Variants in ANKRD30B observed in about 807,000 individuals in gnomAD.
ANKRD30B encodes the protein ankyrin repeat domain 30B, also known as ankyrin repeat domain-containing protein 30B.
A neutral mutation model predicts 202.2 loss-of-function variants in ANKRD30B; 144 were observed. The observed-to-expected ratio is 0.71, with a 90% CI of 0.62 to 0.82. The LOEUF (loss-of-function observed/expected upper bound fraction) is 0.82, where lower values mean the gene tolerates loss of function less well. ANKRD30B is among the 40% of genes least tolerant of loss of function. The pLI is 0.00. For synonymous variants in ANKRD30B, 508 were observed against 561.3 expected, an observed-to-expected ratio of 0.91 and a Z score of 1.34; for missense variants, 1,487 against 1,669.1, an observed-to-expected ratio of 0.89 and a Z score of 1.90.
At chr18:14,818,997 A>C (rs1412971716) in intron 30 of ANKRD30B, among the ~76,000 whole-genome samples, 1 of 152,060 alleles carries the variant, frequency 6.6e-6, no homozygotes, top group African/African-American at 2.4e-5. Context: ...AAGTGTTCCT[A>C]TTTCTCCACA....
chr18:14,803,794 G>T lies in ANKRD30B; in HGVS notation c.2254G>T (p.Glu752Ter), dbSNP rs1370237272. ...VCLPKATHQK[E>*]FDTLSGKLEE... is the part of the protein sequence containing the mutation. ...TTTACCCAAGGCTACACATCAAAAA[G>T]AATTCGATACCTTAAGTGGAAAATT... The change falls in exon 24 of 44, where the codon GAA (glutamate) becomes TAA (stop). Residue 752 changes from glutamate (E) to a stop codon, truncating the protein, a stop_gained. Transcript: ENST00000690538. LOFTEE classifies it high-confidence loss of function. 1.9e-6 allele frequency: 3 copies of T among 1,603,542 alleles called. No individual in the cohort carries two copies. Among genetic ancestry groups the T allele is most frequent in the South Asian group, 2.2e-5 (2 of 89,918 alleles).
chr18:14,806,628 A>C (rs9748447), intron 24 of ANKRD30B, among the ~76,000 whole-genome samples: 84,982 of 148,184 alleles, frequency 0.57, 26,034 homozygotes, highest in African/African-American at 0.7. Context: ...TTCAACCATA[A>C]ATAGGATTCC....
intron 15 of ANKRD30B, 56 bp from the exon 16 acceptor site, chr18:14,791,345 C>G (rs1968491432): frequency 7.0e-6 from 10 of 1,429,030 alleles, no homozygotes; most frequent in Admixed American, 4.3e-5. Context: ...AATTTTGATA[C>G]TCTTCATTAC....
the ANKRD30B span, among the ~76,000 whole-genome samples, chr18:14,940,870 G>A: frequency 1.3e-5 from 2 of 152,160 alleles, no homozygotes; most frequent in African/African-American, 2.4e-5. Flanking sequence ...GGTGGGCATT[G>A]CAAGAGCTAA....
chr18:14,892,201 A>ATT, the ANKRD30B span, among the ~76,000 whole-genome samples: 1 of 152,252 alleles, frequency 6.6e-6, no homozygotes, highest in African/African-American at 2.4e-5. Context: ...ATGCTGATGC[A>ATT]CAAGCTTAGA....
At chr18:14,831,480 ATT>A (rs1243700835) in intron 34 of ANKRD30B, 25 bp downstream of exon 34, 1 of 1,326,616 alleles carries the variant, frequency 7.5e-7, no homozygotes, top group African/African-American at 1.5e-5. Flanking sequence ...TGTTAAATTG[ATT>A]TTCTCAGTTG....
the ANKRD30B span, among the ~76,000 whole-genome samples, chr18:14,895,801 A>G: frequency 0.01 from 1,578 of 152,362 alleles, 12 homozygotes; most frequent in Non-Finnish European, 0.017. Context: ...TTCCAGCCAT[A>G]TGACATTCTG....
Position 14,779,782 on chromosome 18 carries a change from GA to G in ANKRD30B, c.1421-177del, listed in dbSNP as rs573236412. 1.6e-4 allele frequency among the ~76,000 whole-genome samples: 24 copies of G among 152,304 alleles called. No individual in the cohort carries two copies. The East Asian group carries it at 4.6e-3, about 29-fold the overall frequency. Reference sequence around the variant, plus strand: ...CTAATGAATATAAAGTTAATTTTTAGATTTTTAAGATTGTAGTTCTAACCAA... The same window carrying G: ...CTAATGAATATAAAGTTAATTTTTAGTTTTTAAGATTGTAGTTCTAACCAA... On this transcript the variant is annotated intron_variant, in intron 10 of 43. Coordinates refer to ENST00000690538, the MANE Select transcript of ANKRD30B (RefSeq NM_001367607.2).
At chr18:14,870,322 C>T in the ANKRD30B span, among the ~76,000 whole-genome samples, 53 of 152,196 alleles carry the variant, frequency 3.5e-4, no homozygotes, top group African/African-American at 1.2e-3. Flanking sequence ...TGGGTGGTGA[C>T]GTCTGGGCAA....
the ANKRD30B span, among the ~76,000 whole-genome samples, chr18:14,887,830 A>G: frequency 2.0e-4 from 30 of 152,020 alleles, no homozygotes; most frequent in African/African-American, 7.0e-4. Context: ...AAGCATGATT[A>G]TTTGTGGGAA....
At chr18:14,778,528 C>T (rs1178370275) in intron 10 of ANKRD30B, among the ~76,000 whole-genome samples, 9 of 152,096 alleles carry the variant, frequency 5.9e-5, no homozygotes, top group East Asian at 1.9e-4. Flanking sequence ...TCTTTCTCAC[C>T]GGTGGGAAGG....
In ANKRD30B at chr18:14,852,239, T is replaced by C; in HGVS notation, c.4295T>C (p.Leu1432Pro). 6.4e-7 allele frequency: 1 copy of C among 1,566,532 alleles called. No individual in the cohort carries two copies. Among genetic ancestry groups the C allele is most frequent in the Non-Finnish European group, 8.7e-7 (1 of 1,154,936 alleles). ...LFQLESKNRW[L>P]RQQLVYAHKK... is the part of the protein sequence containing the mutation. ...CAACTAGAAAGCAAAAATAGGTGGC[T>C]TCGACAGCAATTAGTTTATGCACAT... is the stretch of plus-strand genomic sequence containing the variant. Residue 1432 changes from leucine to proline, a missense_variant, in exon 42 of 44, where the codon CTT (leucine) becomes CCT (proline). Around this residue, in one of 6 missense-constraint regions of ANKRD30B, gnomAD observed 182 missense variants for 216.0 expected, o/e 0.84. Coordinates refer to ENST00000690538, the MANE Select transcript of ANKRD30B (RefSeq NM_001367607.2).
chr18:14,765,622 T>G (rs1185077582), intron 7 of ANKRD30B, among the ~76,000 whole-genome samples: 1 of 152,170 alleles, frequency 6.6e-6, no homozygotes, highest in Non-Finnish European at 1.5e-5. Context: ...AAAAAACCAT[T>G]TGGTAAGCTG....
the ANKRD30B span, among the ~76,000 whole-genome samples, chr18:14,933,866 G>A: frequency 6.6e-6 from 1 of 152,206 alleles, no homozygotes; most frequent in Admixed American, 6.5e-5. Context: ...GTACAGGGCT[G>A]CTCTGAAACC....
chr18:14,875,037 C>T, the ANKRD30B span, among the ~76,000 whole-genome samples: 2 of 152,122 alleles, frequency 1.3e-5, no homozygotes, highest in African/African-American at 2.4e-5. Flanking sequence ...AACCCGCAGC[C>T]AGGGGAGTGT....
the ANKRD30B span, among the ~76,000 whole-genome samples, chr18:14,902,124 G>A: frequency 5.3e-5 from 8 of 152,124 alleles, no homozygotes; most frequent in African/African-American, 1.9e-4. Context: ...ACTACCACGA[G>A]AACAGTATGG....
chr18:14,752,476 CATGGTATTTA>C, intron 1 of ANKRD30B, 80 bp from the exon 2 acceptor site: 2 of 872,896 alleles, frequency 2.3e-6, no homozygotes, highest in Non-Finnish European at 3.4e-6. Flanking sequence ...AGAGAAAGAG[CATGGTATTTA>C]ATGTTTACAA....
At chr18:14,860,232 C>T in the ANKRD30B span, among the ~76,000 whole-genome samples, 71,190 of 137,634 alleles carry the variant, frequency 0.52, 18,158 homozygotes, top group Middle Eastern at 0.54. Context: ...ACTTCCCAGA[C>T]GGGGCAGCTG....
chr18:14,879,230 G>C, the ANKRD30B span, among the ~76,000 whole-genome samples: 2 of 152,132 alleles, frequency 1.3e-5, no homozygotes, highest in Non-Finnish European at 2.9e-5. Flanking sequence ...GAAGGGTTCA[G>C]TGTGGAAAAC....
Sources: gnomAD v4.1 joint callset for allele counts (sites outside exome capture counted in the v4.1 genomes callset) on GRCh38, gnomAD v4.1.1 for gene constraint, gnomAD v4.1.1 regional missense constraint, MANE v1.5 for transcripts, NCBI Gene and HGNC (gene_info 2026-07-23, HGNC 2026-07-21) for gene names.